The following ACBD6 variants were observed in gnomAD, a reference collection of about 807,000 sequenced individuals.
The protein encoded by ACBD6 is acyl-CoA binding domain containing 6.
A neutral mutation model predicts 37.2 loss-of-function variants in ACBD6; 28 were observed. The observed-to-expected ratio is 0.75, with a 90% confidence interval of 0.56 to 1.03. ACBD6 has a LOEUF of 1.03. Ranked by LOEUF, ACBD6 falls within the 50% of genes least tolerant of loss-of-function variation. The probability of loss-of-function intolerance (pLI) is 0.00; values close to 1 mark genes in which losing one functional copy is unlikely to be tolerated. For synonymous variants in ACBD6, 113 were observed against 126.8 expected (o/e 0.89, Z 0.73); for missense variants, 340 against 337.4 (o/e 1.01, Z -0.06).
chr1:180,303,167 T>C (rs1476965653), intron 7 of ACBD6, among the ~76,000 whole-genome samples: 55 of 149,092 alleles, frequency 3.7e-4, no homozygotes, highest in Non-Finnish European at 9.0e-5. Context: ...AGATCTAAAA[T>C]TGACACCCTA....
intron 4 of ACBD6, among the ~76,000 whole-genome samples, chr1:180,418,673 A>T (rs1648201761): frequency 6.6e-6 from 1 of 152,190 alleles, no homozygotes; most frequent in Non-Finnish European, 1.5e-5. Flanking sequence ...TACTTAGCAC[A>T]CTGAAAACCC....
chr1:180,401,294 C>T (rs1647347998), intron 5 of ACBD6, among the ~76,000 whole-genome samples: 2 of 152,196 alleles, frequency 1.3e-5, no homozygotes, highest in African/African-American at 4.8e-5. Flanking sequence ...AGATGAATGA[C>T]TCTAAAGTGC....
intron 6 of ACBD6, among the ~76,000 whole-genome samples, chr1:180,394,009 G>A (rs4405110): frequency 0.16 from 24,043 of 152,154 alleles, 1,963 homozygotes; most frequent in Middle Eastern, 0.22. Context: ...TAAGAAATCC[G>A]CAAGGCAAAA....
chr1:180,453,885 T>C (rs1169051772), intron 3 of ACBD6, among the ~76,000 whole-genome samples: 3 of 152,004 alleles, frequency 2.0e-5, no homozygotes, highest in African/African-American at 7.3e-5. Flanking sequence ...CTCAAGGAAA[T>C]AAGAGAGGAC....
intron 6 of ACBD6, among the ~76,000 whole-genome samples, chr1:180,315,197 T>A (rs1650749889): frequency 6.6e-6 from 1 of 152,198 alleles, no homozygotes; most frequent in South Asian, 2.1e-4. Flanking sequence ...CCGGGTTTCA[T>A]AACCAGATCA....
At chr1:180,475,148 C>T (rs960365324) in intron 3 of ACBD6, among the ~76,000 whole-genome samples, 4 of 152,138 alleles carry the variant, frequency 2.6e-5, no homozygotes, top group East Asian at 1.9e-4. Flanking sequence ...ATTTTAACAG[C>T]CTAAATGAAA....
intron 4 of ACBD6, among the ~76,000 whole-genome samples, chr1:180,423,615 A>C (rs1648464081): frequency 6.6e-6 from 1 of 152,220 alleles, no homozygotes; most frequent in South Asian, 2.1e-4. Context: ...CAAAGAAAAA[A>C]ATCAATGACC....
intron 6 of ACBD6, among the ~76,000 whole-genome samples, chr1:180,392,502 C>T (rs1277325142): frequency 1.3e-5 from 2 of 152,066 alleles, no homozygotes; most frequent in Non-Finnish European, 2.9e-5. Flanking sequence ...GCTTTGGAGT[C>T]AGAATATTCA....
intron 3 of ACBD6, among the ~76,000 whole-genome samples, chr1:180,442,055 C>T (rs1397025446): frequency 1.3e-5 from 2 of 152,174 alleles, no homozygotes; most frequent in African/African-American, 4.8e-5. Flanking sequence ...TATAGAATTA[C>T]AGGTTGGTCG....
intron 4 of ACBD6, among the ~76,000 whole-genome samples, chr1:180,424,013 T>C (rs1648481878): frequency 6.6e-6 from 1 of 152,120 alleles, no homozygotes. Context: ...TTTTAAAACA[T>C]TAAATGGAAA....
chr1:180,447,079 G>A (rs1252571183), intron 3 of ACBD6, among the ~76,000 whole-genome samples: 1 of 152,088 alleles, frequency 6.6e-6, no homozygotes, highest in Non-Finnish European at 1.5e-5. Context: ...TTATAAAAAT[G>A]TCAGTTCTCT....
At chr1:180,289,438 T>C (rs1649616173) in intron 7 of ACBD6, among the ~76,000 whole-genome samples, 1 of 152,172 alleles carries the variant, frequency 6.6e-6, no homozygotes, top group African/African-American at 2.4e-5. Context: ...GAAAATTAAC[T>C]TTGACAATGC....
intron 6 of ACBD6, among the ~76,000 whole-genome samples, chr1:180,376,985 T>C (rs545033774): frequency 1.3e-5 from 2 of 152,276 alleles, no homozygotes; most frequent in South Asian, 2.1e-4. Flanking sequence ...GAAAACAGTA[T>C]GTTGAGTGGA....
intron 1 of ACBD6, among the ~76,000 whole-genome samples, chr1:180,501,573 C>T (rs1004301415): frequency 6.6e-6 from 1 of 152,212 alleles, no homozygotes; most frequent in Non-Finnish European, 1.5e-5. Context: ...CCGCCTCGGC[C>T]TCCCAAAGTG....
In ACBD6 at chr1:180,462,416, A is replaced by G. The variant is rs183537027; in HGVS notation, c.384+29853T>C. On this transcript the variant is annotated intron_variant, in intron 3 of 7. Transcript: ENST00000367595. ...AAAATTTACCAGGCAAATAGAAAAC[A>G]GAAAAGAAAAGGAGTTACAATCTTA... is the stretch of plus-strand genomic sequence containing the variant. Among the ~76,000 whole-genome samples, 4 of 152,332 alleles carry G rather than the reference A, an allele frequency of 2.6e-5. No homozygotes were observed. In the East Asian group the frequency reaches 7.7e-4, roughly 29 times the overall value.
At chr1:180,501,261 C>T (rs1486655287) in intron 1 of ACBD6, among the ~76,000 whole-genome samples, 1 of 152,072 alleles carries the variant, frequency 6.6e-6, no homozygotes, top group Non-Finnish European at 1.5e-5. Context: ...ACATACTCAA[C>T]GAAAACATAA....
intron 6 of ACBD6, among the ~76,000 whole-genome samples, chr1:180,360,279 C>A (rs1335192657): frequency 6.6e-6 from 1 of 152,186 alleles, no homozygotes; most frequent in Non-Finnish European, 1.5e-5. Context: ...AAAAAATGCC[C>A]ATCCACTCAA....
chr1:180,328,982 T>C (rs185564268), intron 6 of ACBD6, among the ~76,000 whole-genome samples: 11 of 152,344 alleles, frequency 7.2e-5, no homozygotes, highest in South Asian at 4.1e-4. Context: ...AGTAGATTTT[T>C]CAAATAATTG....
intron 3 of ACBD6, chr1:180,435,414 A>T: frequency 2.9e-6 from 1 of 343,782 alleles, no homozygotes; most frequent in Admixed American, 4.6e-5. Context: ...ACGCCTGGCT[A>T]ATTTTTTTTT....
Sources: gnomAD v4.1 joint callset for allele counts (sites outside exome capture counted in the v4.1 genomes callset) on GRCh38, gnomAD v4.1.1 for gene constraint, MANE v1.5 for transcripts, NCBI Gene and HGNC (gene_info 2026-07-23, HGNC 2026-07-21) for gene names.